The following VPS8 variants were observed in gnomAD, a reference collection of about 807,000 sequenced individuals.
VPS8 encodes the protein VPS8 subunit of CORVET complex, also known as vacuolar protein sorting-associated protein 8 homolog.
Under a neutral mutation model 216.4 loss-of-function variants are expected in VPS8, and 129 were observed. The ratio of observed to expected loss-of-function variants is 0.60; its 90% CI spans 0.52 to 0.69. VPS8 has a LOEUF of 0.69. Ranked by LOEUF, VPS8 falls within the 30% of genes least tolerant of loss-of-function variation. The pLI is 0.00. For missense variants in VPS8, 1,531 were observed against 1,683.5 expected (o/e 0.91, Z 1.59); for synonymous variants, 571 against 565.4 (o/e 1.01, Z -0.14).
chr3:184,944,980 T>TA (rs1325794035), intron 36 of VPS8, among the ~76,000 whole-genome samples: 3 of 151,812 alleles, frequency 2.0e-5, no homozygotes, highest in Admixed American at 6.6e-5. Flanking sequence ...TTTGACATAT[T>TA]AAAAAAAATA....
chr3:184,867,961 A>G, intron 17 of VPS8, 63 bp from the exon 18 acceptor site: 1 of 1,561,500 alleles, frequency 6.4e-7, no homozygotes, highest in East Asian at 2.2e-5. Context: ...ACTAGGACAA[A>G]TGTATCTCCC....
In VPS8 at chr3:184,915,469, G is replaced by A. The variant is rs756843158; in HGVS notation, c.2377G>A (p.Ala793Thr). Residue 793 changes from alanine to threonine, a missense_variant, in exon 28 of 48, where the codon GCA (alanine) becomes ACA (threonine). Transcript: ENST00000625842. ...FDTREFLNVL[A>T]LTFEDFKNDK... ...CACAAGAGAATTTCTAAATGTATTG[G>A]CACTGGTAAGAGACAGTATTATTTT... The A allele has an allele frequency of 3.1e-6, 5 of 1,613,294 alleles. No individual in the cohort carries two copies. The Admixed American group carries it at 8.3e-5, about 27-fold the overall frequency.
chr3:184,964,297 G>A (rs1747022548), intron 37 of VPS8, among the ~76,000 whole-genome samples, 171 bp from the exon 38 acceptor site: 1 of 152,004 alleles, frequency 6.6e-6, no homozygotes, highest in South Asian at 2.1e-4. Flanking sequence ...ACTCCCAAAT[G>A]ATCTACTATA....
chr3:185,030,445 A>G (rs747836054), intron 46 of VPS8, among the ~76,000 whole-genome samples: 4 of 152,180 alleles, frequency 2.6e-5, no homozygotes, highest in Admixed American at 6.5e-5. Flanking sequence ...GCTGAAGACT[A>G]TCCTCAGGCT....
intron 46 of VPS8, among the ~76,000 whole-genome samples, chr3:185,043,268 C>CATATTT (rs1712091732): frequency 6.6e-6 from 1 of 152,204 alleles, no homozygotes; most frequent in Non-Finnish European, 1.5e-5. Flanking sequence ...ACTTCAGTTT[C>CATATTT]CTCACAGGTA....
intron 46 of VPS8, among the ~76,000 whole-genome samples, chr3:185,032,966 C>T (rs1758388481): frequency 6.6e-6 from 1 of 152,078 alleles, no homozygotes; most frequent in Non-Finnish European, 1.5e-5. Context: ...CCCGCCCGGC[C>T]CCTTTATTTT....
intron 46 of VPS8, among the ~76,000 whole-genome samples, 187 bp downstream of exon 46, chr3:185,024,576 G>A (rs376855330): frequency 2.2e-4 from 34 of 152,170 alleles, no homozygotes; most frequent in African/African-American, 7.7e-4. Context: ...AAACCAAGTT[G>A]GGTTTCGACA....
chr3:184,872,674 G>T (rs1728559030), intron 21 of VPS8, among the ~76,000 whole-genome samples: 1 of 152,048 alleles, frequency 6.6e-6, no homozygotes, highest in African/African-American at 2.4e-5. Flanking sequence ...GATTGGGGAA[G>T]TAGAAGAGAT....
chr3:184,942,328 G>A (rs1272436943), intron 36 of VPS8, among the ~76,000 whole-genome samples: 1 of 152,096 alleles, frequency 6.6e-6, no homozygotes, highest in African/African-American at 2.4e-5. Context: ...TGAGAAACAG[G>A]TATATTTTAT....
intron 47 of VPS8, 127 bp from the exon 48 acceptor site, chr3:185,051,749 C>A: frequency 8.3e-7 from 1 of 1,199,228 alleles, no homozygotes; most frequent in Non-Finnish European, 1.1e-6. Context: ...ACCTAAGATT[C>A]AAACCCTGCA....
intron 46 of VPS8, among the ~76,000 whole-genome samples, chr3:185,034,857 G>T (rs1406839761): frequency 6.6e-6 from 1 of 151,906 alleles, no homozygotes; most frequent in Non-Finnish European, 1.5e-5. Context: ...CCACTAGCTA[G>T]GTTAACAAAG....
chr3:184,918,511 A>G (rs1051405923), intron 28 of VPS8, among the ~76,000 whole-genome samples: 1 of 152,204 alleles, frequency 6.6e-6, no homozygotes, highest in Non-Finnish European at 1.5e-5. Context: ...GGCAGATGTT[A>G]ACTACCACCA....
intron 25 of VPS8, among the ~76,000 whole-genome samples, chr3:184,909,720 G>T (rs1343349317): frequency 6.6e-6 from 1 of 152,054 alleles, no homozygotes. Context: ...ATCTTTGCTT[G>T]TTCTCACATT....
chr3:184,902,336 T>C (rs1578161350), intron 25 of VPS8, among the ~76,000 whole-genome samples: 9 of 142,144 alleles, frequency 6.3e-5, no homozygotes, highest in Middle Eastern at 4.0e-3. Flanking sequence ...ATTAGCCGGG[T>C]GTGGTGGTGG....
chr3:184,997,213 T>C (rs1752729750), intron 44 of VPS8, among the ~76,000 whole-genome samples: 2 of 152,162 alleles, frequency 1.3e-5, no homozygotes, highest in South Asian at 4.1e-4. Flanking sequence ...CAAAGACAGC[T>C]CATCTAGAAT....
chr3:184,866,976 G>A (rs1727473828), intron 17 of VPS8, 26 bp downstream of exon 17: 2 of 1,603,862 alleles, frequency 1.2e-6, no homozygotes, highest in African/African-American at 2.7e-5. Context: ...CTGTGAGTTG[G>A]TATTTGTATG....
At chr3:184,863,614 A>G (rs958457924) in intron 16 of VPS8, among the ~76,000 whole-genome samples, 2 of 152,162 alleles carry the variant, frequency 1.3e-5, no homozygotes, top group African/African-American at 2.4e-5. Context: ...GGACGCAACA[A>G]AGTTATGGCC....
intron 46 of VPS8, among the ~76,000 whole-genome samples, chr3:185,042,146 TG>T (rs1303156426): frequency 1.3e-5 from 2 of 152,190 alleles, no homozygotes; most frequent in African/African-American, 4.8e-5. Flanking sequence ...CAACTGATGG[TG>T]GGTATTATTC....
At chr3:184,892,286 G>A (rs375643554) in intron 22 of VPS8, among the ~76,000 whole-genome samples, 7 of 152,104 alleles carry the variant, frequency 4.6e-5, no homozygotes, top group African/African-American at 1.7e-4. Flanking sequence ...AGTCGATCTC[G>A]GCTCACTGCA....
Sources: gnomAD v4.1 joint callset for allele counts (sites outside exome capture counted in the v4.1 genomes callset) on GRCh38, gnomAD v4.1.1 for gene constraint, MANE v1.5 for transcripts, NCBI Gene and HGNC (gene_info 2026-07-23, HGNC 2026-07-21) for gene names.